Variants in FAM135A observed in about 807,000 individuals in gnomAD.
FAM135A encodes family with sequence similarity 135 member A.
In FAM135A, 79 loss-of-function variants were observed where a neutral mutation model predicts 146.8. The observed-to-expected ratio is 0.54, with a 90% CI of 0.45 to 0.65. The LOEUF (loss-of-function observed/expected upper bound fraction) is 0.65, where lower values mean the gene tolerates loss of function less well. Among genes scored for constraint, FAM135A ranks in the 30% least tolerant of loss-of-function variants. FAM135A has a pLI of 0.00. For synonymous variants in FAM135A, 562 were observed against 603.6 expected (o/e 0.93, Z 1.01); for missense variants, 1,623 against 1,758.2 (o/e 0.92, Z 1.38).
At chr6:70,557,715 A>AAAAC (rs1801158451) in intron 21 of FAM135A, 1 of 151,366 alleles carries the variant, frequency 6.6e-6, no homozygotes, top group Non-Finnish European at 1.5e-5. Context: ...AAAAAAAAAA[A>AAAAC]AAACCCTGGT....
chr6:70,513,509 A>G (rs1440652864), intron 12 of FAM135A, among the ~76,000 whole-genome samples: 1 of 151,540 alleles, frequency 6.6e-6, no homozygotes, highest in Non-Finnish European at 1.5e-5. Context: ...TGGGCATGAT[A>G]TAGCTTCCTA....
Position 70,464,833 on chromosome 6 carries a change from AT to A in FAM135A, c.158-10548del, listed in dbSNP as rs67408160. 9.3e-3 allele frequency among the ~76,000 whole-genome samples: 600 copies of A among 64,298 alleles called. 1 individual carries two copies. The highest frequency in any genetic ancestry group is 0.011 in the Non-Finnish European group (413 of 36,096). 42.2% of individuals were successfully genotyped at this position (64,298 alleles called of 152,430 possible). A position where few individuals can be genotyped will look rare whatever the true frequency, so the allele number is the denominator to read the frequency against. On this transcript the variant is annotated intron_variant, in intron 5 of 21. Transcript: ENST00000418814. ...AGGCATGCACCACCACGCCTGGCCA[AT>A]TTTTTTTTTTTTTTTTTTTTTTTTT...
intron 2 of FAM135A, among the ~76,000 whole-genome samples, chr6:70,422,731 A>G (rs1002307272): frequency 6.6e-6 from 1 of 152,244 alleles, no homozygotes; most frequent in African/African-American, 2.4e-5. Context: ...TTGAGTTTCA[A>G]TTGAAGACAA....
At position 70,525,598 on chromosome 6, in the gene FAM135A, A is replaced by G. The variant is rs747489702; in HGVS notation, c.2514A>G (p.Thr838=). Residue 838 remains threonine (T), a synonymous_variant, in exon 15 of 22, where the codon ACA becomes ACG. Transcript: ENST00000418814. ...SAISEIQSSL[T]SINSLPSDDE... is the part of the protein sequence containing the mutation. The stretch of plus-strand genomic sequence containing the variant: ...TAAGTGAAATACAGTCATCTTTGAC[A>G]TCCATAAACTCTCTACCCTCCGATG... 1.9e-6 allele frequency: 3 copies of G among 1,613,602 alleles called. No individual in the cohort carries two copies. Among genetic ancestry groups the G allele is most frequent in the South Asian group, 2.2e-5 (2 of 91,066 alleles).
intron 10 of FAM135A, among the ~76,000 whole-genome samples, chr6:70,485,302 G>T (rs1049671226): frequency 6.6e-6 from 1 of 151,988 alleles, no homozygotes; most frequent in Non-Finnish European, 1.5e-5. Context: ...GTAATATATT[G>T]TGGTGTTCTT....
At chr6:70,541,195 TTAA>T (rs1260566202) in intron 20 of FAM135A, among the ~76,000 whole-genome samples, 2 of 152,160 alleles carry the variant, frequency 1.3e-5, no homozygotes, top group Admixed American at 6.5e-5. Context: ...TTCTTCCATC[TTAA>T]TAATAATAAT....
At chr6:70,497,409 G>A (rs898560804) in intron 11 of FAM135A, among the ~76,000 whole-genome samples, 5 of 152,126 alleles carry the variant, frequency 3.3e-5, no homozygotes, top group Non-Finnish European at 5.9e-5. Context: ...GAGACGATGG[G>A]GTTTTCTAAA....
intron 12 of FAM135A, among the ~76,000 whole-genome samples, chr6:70,521,264 C>T (rs1239951156): frequency 5.3e-5 from 8 of 152,156 alleles, no homozygotes; most frequent in African/African-American, 1.7e-4. Flanking sequence ...AAGCAGCTAG[C>T]GCCAGTTTCG....
rs1455131094 is a variant in FAM135A, at chr6:70,475,799, C to A, written c.368+66C>A. ...ACTGTTATTTGTTATTATTAGATTG[C>A]CCATTTTCCTCTTAAAATTCATCCT... On this transcript the variant is annotated intron_variant, in intron 7 of 21. Coordinates refer to ENST00000418814, the MANE Select transcript of FAM135A (RefSeq NM_001162529.3). 4.8e-6 allele frequency: 6 copies of A among 1,255,670 alleles called. No individual in the cohort carries two copies. In the East Asian group the frequency reaches 1.2e-4, roughly 25 times the overall value. The allele number at this position is 1,255,670 out of a possible 1,614,324, so 77.8% of individuals were successfully genotyped here.
At chr6:70,470,009 AAAC>A (rs1192061373) in intron 5 of FAM135A, among the ~76,000 whole-genome samples, 1 of 152,120 alleles carries the variant, frequency 6.6e-6, no homozygotes, top group Non-Finnish European at 1.5e-5. Context: ...GTAGAAAAAA[AAAC>A]AACAACAAAA....
intron 12 of FAM135A, among the ~76,000 whole-genome samples, chr6:70,515,394 CCATT>C (rs766189131): frequency 6.6e-6 from 1 of 152,116 alleles, no homozygotes; most frequent in Admixed American, 6.5e-5. Context: ...AAACTGTTGT[CCATT>C]CATACAGTGG....
At chr6:70,518,308 T>C (rs1005770295) in intron 12 of FAM135A, among the ~76,000 whole-genome samples, 1 of 152,012 alleles carries the variant, frequency 6.6e-6, no homozygotes, top group African/African-American at 2.4e-5. Context: ...GGCTGAAAGG[T>C]AAGGAAGCTA....
At chr6:70,475,349 G>C in intron 5 of FAM135A, 61 bp from the exon 6 acceptor site, 1 of 1,338,208 alleles carries the variant, frequency 7.5e-7, no homozygotes, top group Non-Finnish European at 1.0e-6. Flanking sequence ...AAGTACAAGT[G>C]TTAATTTGCT....
intron 20 of FAM135A, among the ~76,000 whole-genome samples, chr6:70,553,292 C>G (rs144400575): frequency 6.6e-6 from 1 of 152,280 alleles, no homozygotes; most frequent in East Asian, 1.9e-4. Context: ...TGTTTACATT[C>G]ATTAACAATA....
chr6:70,447,098 C>T (rs964621625), intron 4 of FAM135A, among the ~76,000 whole-genome samples: 13 of 152,212 alleles, frequency 8.5e-5, no homozygotes, highest in African/African-American at 2.9e-4. Context: ...GAATTGGCCA[C>T]GTGGACAGTC....
chr6:70,426,902 CT>C (rs1770282371), intron 3 of FAM135A: 1 of 152,254 alleles, frequency 6.6e-6, no homozygotes, highest in South Asian at 2.1e-4. Context: ...CAAATCTGCC[CT>C]TTGTTCTAGT....
intron 1 of FAM135A, among the ~76,000 whole-genome samples, chr6:70,414,467 C>G (rs995654344): frequency 6.6e-6 from 1 of 152,120 alleles, no homozygotes; most frequent in African/African-American, 2.4e-5. Flanking sequence ...ATTCTGCACC[C>G]AGTGAGTCTC....
chr6:70,445,989 T>G (rs1775630357), intron 4 of FAM135A, among the ~76,000 whole-genome samples: 1 of 152,236 alleles, frequency 6.6e-6, no homozygotes, highest in African/African-American at 2.4e-5. Context: ...CAACACAGAT[T>G]AAAAGCACAA....
rs543750127 is a variant in FAM135A at position 70,450,872 on chromosome 6, G to C, written c.78-1620G>C. 3.3e-5 allele frequency among the ~76,000 whole-genome samples: 5 copies of C among 151,340 alleles called. No individual in the cohort carries two copies. The South Asian group carries it at 1.1e-3, about 32-fold the overall frequency. ...TTCTCATGCCTCAGCCTCCCTAGTAGCTGGGACCACAGACACATGCCACCA... is the reference window on the plus strand; with the variant it reads ...TTCTCATGCCTCAGCCTCCCTAGTACCTGGGACCACAGACACATGCCACCA... On this transcript the variant is annotated intron_variant, in intron 4 of 21. Transcript: ENST00000418814.
Sources: allele counts gnomAD v4.1 joint callset (sites outside exome capture counted in the v4.1 genomes callset), GRCh38; gene constraint gnomAD v4.1.1; transcripts MANE v1.5; gene names NCBI Gene and HGNC (gene_info 2026-07-23, HGNC 2026-07-21).